IGF2R: variants seen among roughly 807,000 people sequenced by gnomAD.
IGF2R encodes the protein cation-independent mannose-6-phosphate receptor.
IGF2R carries 91 observed loss-of-function variants against 270.6 expected under a neutral mutation model. The ratio of observed to expected loss-of-function variants is 0.34; its 90% CI spans 0.28 to 0.40. The LOEUF is 0.40. IGF2R is among the 10% of genes least tolerant of loss of function. IGF2R has a pLI of 1.00. For synonymous variants in IGF2R, 1,316 were observed against 1,258.9 expected, an observed-to-expected ratio of 1.05 and a Z score of -0.96; for missense variants, 2,805 against 3,188.3, an observed-to-expected ratio of 0.88 and a Z score of 2.90.
chr6:160,089,302 A>G, intron 43 of IGF2R, 49 bp downstream of exon 43: 1 of 1,529,250 alleles, frequency 6.5e-7, no homozygotes, highest in Non-Finnish European at 9.0e-7. Context: ...TCAAAATTAA[A>G]CCAGCAATGC....
In IGF2R at chr6:160,104,674, G is replaced by A; in HGVS notation, c.7066G>A (p.Val2356Met). 1 of 1,610,664 alleles carries A rather than the reference G, an allele frequency of 6.2e-7. No individual in the cohort carries two copies. The highest frequency in any genetic ancestry group is 8.5e-7 in the Non-Finnish European group (1 of 1,178,068). Residue 2356 changes from valine (V) to methionine (M), a missense_variant and splice_region_variant, in exon 48 of 48, where the codon GTG (valine) becomes ATG (methionine). By Grantham distance (21) the Val-to-Met change is conservative. This residue lies in a region of IGF2R where 1,851 missense variants were observed against 2,207.2 expected (regional missense o/e 0.84). Coordinates refer to ENST00000356956, the MANE Select transcript of IGF2R (RefSeq NM_000876.4). ...GGTCTCTGCTGTTGATCCCTGGCAG[G>A]TGAATAAGGAAGAAGAGACAGATGA... is the stretch of plus-strand genomic sequence containing the variant. ...SSNVSYKYSK[V>M]NKEEETDENE...
chr6:160,088,643 A>G (rs758900056), intron 42 of IGF2R, among the ~76,000 whole-genome samples: 5 of 152,184 alleles, frequency 3.3e-5, no homozygotes, highest in Non-Finnish European at 7.3e-5. Flanking sequence ...GATTCCTTCC[A>G]GACGCTGAGT....
intron 5 of IGF2R, among the ~76,000 whole-genome samples, chr6:160,024,998 C>T (rs143582047): frequency 7.8e-4 from 119 of 152,146 alleles, no homozygotes; most frequent in African/African-American, 2.3e-3. Flanking sequence ...AAGTGAGGGT[C>T]GGTCTTGTTC....
At chr6:160,060,506 A>C (rs751597524) in intron 22 of IGF2R, 41 bp from the exon 23 acceptor site, 3 of 1,603,608 alleles carry the variant, frequency 1.9e-6, no homozygotes, top group Non-Finnish European at 2.6e-6. Flanking sequence ...CGCCATGAAT[A>C]CTGTTCTGTC....
intron 4 of IGF2R, among the ~76,000 whole-genome samples, chr6:160,017,915 A>C (rs927558848): frequency 6.6e-6 from 1 of 152,226 alleles, no homozygotes; most frequent in Non-Finnish European, 1.5e-5. Context: ...ACACAAAAGT[A>C]TAAACACTCT....
rs554118665 is a variant in IGF2R at position 160,028,266 on chromosome 6, G to A, written c.776+952G>A. ...TGGCCTTCCCTCTGCGGGGGTCTGT[G>A]TCCGAATCTCCTCTTCTGATAAGGA... On this transcript the variant is annotated intron_variant, in intron 6 of 47. Transcript: ENST00000356956. 2.0e-5 allele frequency among the ~76,000 whole-genome samples: 3 copies of A among 152,310 alleles called. No homozygotes were observed. The East Asian group carries it at 5.8e-4, about 29-fold the overall frequency.
Position 160,044,565 on chromosome 6 carries a change from A to G in IGF2R, c.1673A>G (p.Glu558Gly). The G allele has an allele frequency of 3.7e-6, 6 of 1,607,406 alleles. No homozygotes were observed. Among genetic ancestry groups the G allele is most frequent in the Non-Finnish European group, 4.3e-6 (5 of 1,175,098 alleles). ...AAATTTATTTCCTCTCCCATGAAAG[A>G]GAAAGGAAACATTCAACTCTCTTAT... Reference protein sequence around the residue: ...LGKFISSPMKEKGNIQLSYSD... With the variant: ...LGKFISSPMKGKGNIQLSYSD... Residue 558 changes from glutamate to glycine, a missense_variant, in exon 13 of 48, where the codon GAG (glutamate) becomes GGG (glycine). Transcript: ENST00000356956.
At chr6:160,073,524 G>A (rs952311065) in intron 34 of IGF2R, 55 bp downstream of exon 34, 18 of 1,588,232 alleles carry the variant, frequency 1.1e-5, no homozygotes, top group African/African-American at 2.7e-5. Flanking sequence ...GGCTGCACCC[G>A]GGCCCCTTCG....
intron 20 of IGF2R, among the ~76,000 whole-genome samples, chr6:160,057,185 G>GAT (rs1163394961): frequency 1.3e-5 from 2 of 152,302 alleles, no homozygotes; most frequent in African/African-American, 4.8e-5. Context: ...GTGTTAATGT[G>GAT]CCACTTGAGT....
intron 2 of IGF2R, among the ~76,000 whole-genome samples, chr6:159,999,768 A>G (rs1226191071): frequency 6.6e-6 from 1 of 152,226 alleles, no homozygotes. Context: ...ACAAAGTTCA[A>G]TCCCTCCTTT....
At chr6:160,073,621 T>G (rs1205288300) in intron 34 of IGF2R, 136 bp from the exon 35 acceptor site, 1 of 1,070,428 alleles carries the variant, frequency 9.3e-7, no homozygotes, top group Non-Finnish European at 1.4e-6. Flanking sequence ...AAGTGCCCAG[T>G]GCTATGTAAT....
rs1455671214 is a variant in IGF2R at position 160,109,143 on chromosome 6, A to G, written c.*4059A>G. ...TTTTGATGCTCAGTGTTTGAGGGAA[A>G]CACAATCTAGTGAATGGGGTTATTG... On this transcript the variant is annotated 3_prime_UTR_variant, in exon 48 of 48. Coordinates refer to ENST00000356956, the MANE Select transcript of IGF2R (RefSeq NM_000876.4). 1 of 152,248 alleles carries G rather than the reference A, an allele frequency of 6.6e-6. No homozygotes were observed. Among genetic ancestry groups the G allele is most frequent in the African/African-American group, 2.4e-5 (1 of 41,454 alleles). 9.4% of individuals were successfully genotyped at this position (152,248 alleles called of 1,614,324 possible). A position where few individuals can be genotyped will look rare whatever the true frequency, so the allele number is the denominator to read the frequency against.
chr6:159,980,213 A>AGG (rs1783767656), intron 1 of IGF2R, among the ~76,000 whole-genome samples: 1 of 108,078 alleles, frequency 9.3e-6, no homozygotes, highest in African/African-American at 3.6e-5. Flanking sequence ...GAAAGAAAGA[A>AGG]AGAAAGAAAG....
intron 3 of IGF2R, among the ~76,000 whole-genome samples, chr6:160,010,024 T>A (rs1784308891): frequency 6.6e-6 from 1 of 152,234 alleles, no homozygotes. Flanking sequence ...AAATGAGATT[T>A]ATATTACAGA....
chr6:160,086,763 C>G (rs571553701), intron 41 of IGF2R, among the ~76,000 whole-genome samples: 1 of 152,306 alleles, frequency 6.6e-6, no homozygotes, highest in Admixed American at 6.5e-5. Flanking sequence ...TCCCACCTCC[C>G]ACCTCACCAT....
intron 36 of IGF2R, 41 bp downstream of exon 36, chr6:160,076,037 G>T (rs1326219884): frequency 6.2e-7 from 1 of 1,602,222 alleles, no homozygotes; most frequent in Non-Finnish European, 8.5e-7. Context: ...TCAACTGCGG[G>T]TTAGTGAGCC....
chr6:160,032,010 A>C (rs567594112), intron 7 of IGF2R, among the ~76,000 whole-genome samples: 210 of 152,186 alleles, frequency 1.4e-3, no homozygotes, highest in African/African-American at 5.0e-3. Flanking sequence ...CCCTGGCTTC[A>C]CCCAGGAGCA....
chr6:160,053,767 A>G (rs1033881536), intron 19 of IGF2R, among the ~76,000 whole-genome samples: 7 of 152,094 alleles, frequency 4.6e-5, no homozygotes, highest in African/African-American at 1.7e-4. Context: ...TAGTGGGTGT[A>G]ATCATTGCTC....
In IGF2R at chr6:160,060,534, T is replaced by C; in HGVS notation, c.3092-13T>C. 1 of 1,614,014 alleles carries C rather than the reference T, an allele frequency of 6.2e-7. No individual in the cohort carries two copies. Among genetic ancestry groups the C allele is most frequent in the South Asian group, 1.1e-5 (1 of 91,076 alleles). On this transcript the variant is annotated splice_polypyrimidine_tract_variant and intron_variant, in intron 22 of 47. Transcript: ENST00000356956. The stretch of plus-strand genomic sequence containing the variant: ...GTTCTGTCTCTTAAAATCTGGGCCT[T>C]CTTGCTTTACAGGTACCGCTGATGC...
Sources: gnomAD v4.1 joint callset for allele counts (sites outside exome capture counted in the v4.1 genomes callset) on GRCh38, gnomAD v4.1.1 for gene constraint, gnomAD v4.1.1 regional missense constraint, MANE v1.5 for transcripts, NCBI Gene and HGNC (gene_info 2026-07-23, HGNC 2026-07-21) for gene names.